The following IL7 variants were observed in gnomAD, a reference collection of about 807,000 sequenced individuals.
IL7 encodes the protein interleukin 7, also known as interleukin-7.
IL7 carries 3 observed loss-of-function variants against 21.6 expected under a neutral mutation model. The ratio of observed to expected loss-of-function variants is 0.14; its 90% CI spans 0.06 to 0.36. The LOEUF (loss-of-function observed/expected upper bound fraction) is 0.36. Ranked by LOEUF, IL7 falls within the 10% of genes least tolerant of loss-of-function variation. The pLI is 1.00. For synonymous variants in IL7, 62 were observed against 68.1 expected (o/e 0.91, Z 0.44); for missense variants, 175 against 200.2 (o/e 0.87, Z 0.76).
chr8:78,686,558 T>C, intron 3 of IL7: 3 of 1,538,294 alleles, frequency 2.0e-6, no homozygotes, highest in Non-Finnish European at 2.6e-6. Context: ...GATCAGGCCC[T>C]CAAAGAGGGT....
chr8:78,801,406 T>C (rs1814054041), intron 1 of IL7, among the ~76,000 whole-genome samples: 1 of 152,114 alleles, frequency 6.6e-6, no homozygotes, highest in African/African-American at 2.4e-5. Context: ...TTCATCATAT[T>C]TGAGGACCAA....
At chr8:78,736,429 TA>T in intron 5 of IL7, 44 bp downstream of exon 5, 2 of 1,236,908 alleles carry the variant, frequency 1.6e-6, no homozygotes, top group Non-Finnish European at 2.3e-6. Context: ...TTAAGTTGAG[TA>T]AAAACCTGAT....
chr8:78,769,371 G>A (rs1171311411), intron 2 of IL7, among the ~76,000 whole-genome samples: 1 of 152,080 alleles, frequency 6.6e-6, no homozygotes, highest in African/African-American at 2.4e-5. Context: ...AAAATCACAA[G>A]CATTTTTATA....
intron 2 of IL7, among the ~76,000 whole-genome samples, chr8:78,759,198 CA>C (rs1351997996): frequency 6.9e-6 from 1 of 144,048 alleles, no homozygotes; most frequent in East Asian, 2.0e-4. Flanking sequence ...TATTTATTTC[CA>C]GGATTTCTGC....
intron 4 of IL7, among the ~76,000 whole-genome samples, chr8:78,681,366 ACAT>A (rs1338319553): frequency 6.6e-6 from 1 of 152,192 alleles, no homozygotes; most frequent in Admixed American, 6.5e-5. Flanking sequence ...GAACAGCAGA[ACAT>A]CAGTAGATGA....
intron 2 of IL7, among the ~76,000 whole-genome samples, chr8:78,782,898 A>G (rs1420467646): frequency 6.6e-6 from 1 of 152,094 alleles, no homozygotes; most frequent in Non-Finnish European, 1.5e-5. Context: ...TGAAATTCCC[A>G]GAGGGAGGCC....
intron 2 of IL7, chr8:78,762,110 A>G: frequency 6.3e-7 from 1 of 1,596,900 alleles, no homozygotes; most frequent in Non-Finnish European, 8.6e-7. Context: ...ATCTTCACTC[A>G]GTTCTTTTAT....
intron 3 of IL7, among the ~76,000 whole-genome samples, chr8:78,696,217 G>C (rs1810407795): frequency 1.3e-5 from 2 of 152,022 alleles, no homozygotes; most frequent in Admixed American, 1.3e-4. Context: ...TGTATTTTTA[G>C]TAGAGACGGG....
chr8:78,800,490 G>A (rs995023273), intron 1 of IL7, among the ~76,000 whole-genome samples: 3 of 152,038 alleles, frequency 2.0e-5, no homozygotes, highest in East Asian at 1.9e-4. Context: ...TTTAGCAGAC[G>A]GCTCTTACTC....
At chr8:78,706,625 G>C (rs978059092) in intron 3 of IL7, among the ~76,000 whole-genome samples, 1 of 152,072 alleles carries the variant, frequency 6.6e-6, no homozygotes, top group Admixed American at 6.5e-5. Context: ...GTTCTCTGTG[G>C]GTCAAGTTGT....
intron 2 of IL7, among the ~76,000 whole-genome samples, chr8:78,793,216 G>T (rs147493114): frequency 6.6e-6 from 1 of 152,290 alleles, no homozygotes; most frequent in East Asian, 1.9e-4. Flanking sequence ...GCAGAATGCA[G>T]AATAGTGGCT....
At position 78,779,509 on chromosome 8, in the gene IL7, CTTTAG is replaced by C. The variant is rs201239679; in HGVS notation, c.147+18558_147+18562del. Among the ~76,000 whole-genome samples, 124 of 152,142 alleles carry C rather than the reference CTTTAG, an allele frequency of 8.2e-4. 2 individuals carry two copies. In the East Asian group the frequency reaches 0.022, roughly 27 times the overall value. On this transcript the variant is annotated intron_variant, in intron 2 of 5. Coordinates refer to ENST00000263851, the MANE Select transcript of IL7 (RefSeq NM_000880.4). ...ATTGAGATAATCAAGTGGTTTTTGT[CTTTAG>C]TTCAGTTTATGTGATGAATTACATT...
At chr8:78,724,302 G>C (rs71514860) in intron 3 of IL7, among the ~76,000 whole-genome samples, 2 of 151,810 alleles carry the variant, frequency 1.3e-5, no homozygotes, top group African/African-American at 2.4e-5. Context: ...ATATTTAAGA[G>C]GTATGTTGCC....
Position 78,733,009 on chromosome 8 carries a change from C to T in IL7, c.*704G>A, listed in dbSNP as rs1425944588. ...AATGTAACTCAGTACTAAGGTTTAG[C>T]ATCCTTAGACTAGGTGAATTTATTT... On this transcript the variant is annotated 3_prime_UTR_variant, in exon 6 of 6. Transcript: ENST00000263851. 1 of 151,940 alleles carries T rather than the reference C, an allele frequency of 6.6e-6. No homozygotes were observed. The highest frequency in any genetic ancestry group is 2.4e-5 in the African/African-American group (1 of 41,406). 9.4% of individuals were successfully genotyped at this position (151,940 alleles called of 1,614,324 possible). A position where few individuals can be genotyped will look rare whatever the true frequency, so the allele number is the denominator to read the frequency against.
At chr8:78,791,773 C>T (rs891167610) in intron 2 of IL7, among the ~76,000 whole-genome samples, 4 of 152,040 alleles carry the variant, frequency 2.6e-5, no homozygotes, top group African/African-American at 9.7e-5. Flanking sequence ...CTTAAGCTCC[C>T]CACCACTTCT....
chr8:78,690,183 G>A (rs1177757066), intron 3 of IL7, among the ~76,000 whole-genome samples: 2 of 148,526 alleles, frequency 1.3e-5, no homozygotes, highest in Non-Finnish European at 1.5e-5. Context: ...AGTCAATACC[G>A]CATTATCACT....
At chr8:78,756,372 G>A (rs1474357007) in intron 2 of IL7, among the ~76,000 whole-genome samples, 2 of 151,826 alleles carry the variant, frequency 1.3e-5, no homozygotes, top group Non-Finnish European at 2.9e-5. Context: ...TTTTCTTTAA[G>A]AATAGCTTGA....
rs1586078717 is a variant in IL7, at chr8:78,760,851, C to T, written c.148-20769G>A. On this transcript the variant is annotated intron_variant, in intron 2 of 5. Transcript: ENST00000263851. ...AATTCATTATAAACTTCAATATTTT[C>T]CATCACTTCGTTGAGTGAATGCAGT... 3.2e-6 allele frequency: 5 copies of T among 1,557,756 alleles called. No individual in the cohort carries two copies. In the Admixed American group the frequency reaches 7.6e-5, roughly 24 times the overall value.
chr8:78,804,590 C>G (rs1814239754), intron 1 of IL7, among the ~76,000 whole-genome samples: 3 of 152,226 alleles, frequency 2.0e-5, no homozygotes, highest in African/African-American at 7.2e-5. Context: ...GAGCCTTTGG[C>G]TGCTTCTGAG....
Sources: gnomAD v4.1 joint callset for allele counts (sites outside exome capture counted in the v4.1 genomes callset) on GRCh38, gnomAD v4.1.1 for gene constraint, MANE v1.5 for transcripts, NCBI Gene and HGNC (gene_info 2026-07-23, HGNC 2026-07-21) for gene names.